Variants in SLC23A2 observed in about 807,000 individuals in gnomAD.
The protein encoded by SLC23A2 is solute carrier family 23 member 2.
Under a neutral mutation model 73.3 loss-of-function variants are expected in SLC23A2, and 36 were observed. That is an observed-to-expected ratio of 0.49 (90% CI 0.38 to 0.65). The LOEUF (loss-of-function observed/expected upper bound fraction) is 0.65. SLC23A2 is among the 30% of genes least tolerant of loss of function. The pLI is 0.00. For missense variants in SLC23A2, 507 were observed against 841.6 expected, an observed-to-expected ratio of 0.60 and a Z score of 4.92; for synonymous variants, 343 against 327.3, an observed-to-expected ratio of 1.05 and a Z score of -0.52.
chr20:4,963,575 C>A (rs924461999), intron 2 of SLC23A2, among the ~76,000 whole-genome samples: 1 of 152,070 alleles, frequency 6.6e-6, no homozygotes, highest in Non-Finnish European at 1.5e-5. Flanking sequence ...TGACCAGGCA[C>A]GGTGGCTCAC....
intron 2 of SLC23A2, among the ~76,000 whole-genome samples, 169 bp from the exon 3 acceptor site, chr20:4,932,885 T>C (rs567227696): frequency 6.6e-6 from 1 of 152,260 alleles, no homozygotes; most frequent in South Asian, 2.1e-4. Flanking sequence ...CTTCTTTATT[T>C]ATAGTCACCT....
rs146780508 is a variant in SLC23A2, at chr20:4,892,943, G to A, written c.482+6612C>T. On this transcript the variant is annotated intron_variant, in intron 6 of 16. Coordinates refer to ENST00000338244, the MANE Select transcript of SLC23A2 (RefSeq NM_005116.6). ...GGGAAGTTAAATACGAACTGCATAT[G>A]AGATGATGAAACAGAATGATTGTTA... Among the ~76,000 whole-genome samples the A allele has an allele frequency of 1.6e-3, 249 of 152,228 alleles. 1 individual carries two copies. The highest frequency in any genetic ancestry group is 8.8e-5 in the Non-Finnish European group (6 of 68,012).
intron 4 of SLC23A2, among the ~76,000 whole-genome samples, chr20:4,907,528 G>C (rs1397929440): frequency 5.3e-5 from 8 of 152,084 alleles, no homozygotes; most frequent in Non-Finnish European, 1.0e-4. Context: ...TCAATTGTGG[G>C]AGACAAAGAA....
chr20:4,877,004 T>C (rs577049900), intron 9 of SLC23A2, among the ~76,000 whole-genome samples: 121 of 152,038 alleles, frequency 8.0e-4, no homozygotes, highest in Non-Finnish European at 1.3e-3. Flanking sequence ...TAGCATTCTG[T>C]TTTATGGACA....
chr20:4,987,954 C>G (rs531187690), intron 1 of SLC23A2, among the ~76,000 whole-genome samples: 1 of 151,288 alleles, frequency 6.6e-6, no homozygotes, highest in African/African-American at 2.4e-5. Context: ...AAAATAAAAC[C>G]TATGACAGTT....
intron 4 of SLC23A2, among the ~76,000 whole-genome samples, chr20:4,908,004 GAGTA>G (rs1932017783): frequency 2.6e-5 from 4 of 152,096 alleles, no homozygotes; most frequent in South Asian, 2.1e-4. Context: ...CTGCAAAACA[GAGTA>G]AGTGTCAGAG....
chr20:4,898,906 G>A (rs1179200957), intron 6 of SLC23A2, among the ~76,000 whole-genome samples: 1 of 152,232 alleles, frequency 6.6e-6, no homozygotes, highest in East Asian at 1.9e-4. Context: ...GGGAGGGCAG[G>A]ACAAGCTGGG....
At position 4,874,006 on chromosome 20, in the gene SLC23A2, G is replaced by T. The variant is rs1930556662; in HGVS notation, c.1032C>A (p.Gly344=). ...DVFPPDSTKY[G]FYARTDARQG... ...GCCTGGCATCTGTGCGAGCATAGAA[G>T]CCATACTTTGTGCTGTCGGGAGGGA... Residue 344 remains glycine (G), a synonymous_variant, in exon 11 of 17, where the codon GGC becomes GGA. Coordinates refer to ENST00000338244, the MANE Select transcript of SLC23A2 (RefSeq NM_005116.6). The T allele has an allele frequency of 6.2e-6, 10 of 1,614,202 alleles. No homozygotes were observed. The highest frequency in any genetic ancestry group is 8.5e-6 in the Non-Finnish European group (10 of 1,180,016).
At chr20:4,974,520 T>C (rs2087613820) in intron 1 of SLC23A2, among the ~76,000 whole-genome samples, 1 of 151,956 alleles carries the variant, frequency 6.6e-6, no homozygotes, top group South Asian at 2.1e-4. Context: ...AAAAACCAAA[T>C]ATCTTCAATG....
chr20:4,933,954 T>C (rs1348900624), intron 2 of SLC23A2, among the ~76,000 whole-genome samples: 3 of 152,080 alleles, frequency 2.0e-5, no homozygotes, highest in Non-Finnish European at 2.9e-5. Context: ...CAATAAACAC[T>C]TTGGATGAGC....
chr20:4,964,207 C>A (rs1432485327), intron 2 of SLC23A2, among the ~76,000 whole-genome samples: 1 of 151,948 alleles, frequency 6.6e-6, no homozygotes, highest in Admixed American at 6.6e-5. Flanking sequence ...GTTGCCCTGG[C>A]TGGTCTTGAA....
In SLC23A2 at chr20:4,921,357, C is replaced by G. The variant is rs114208932; in HGVS notation, c.109-8379G>C. ...CTGTAATCTCAGCACTTTGGGAGAC[C>G]AATCACTTGAGCTCAGAAATTCGAG... On this transcript the variant is annotated intron_variant, in intron 3 of 16. Transcript: ENST00000338244. Among the ~76,000 whole-genome samples the G allele has an allele frequency of 6.7e-3, 1,027 of 152,162 alleles. 8 individuals are homozygous for G. Among genetic ancestry groups the G allele is most frequent in the African/African-American group, 0.023 (975 of 41,534 alleles).
chr20:5,003,456 G>A (rs894755248), upstream of SLC23A2, among the ~76,000 whole-genome samples: 2 of 151,296 alleles, frequency 1.3e-5, no homozygotes, highest in African/African-American at 2.4e-5. Flanking sequence ...AAAAACTCAC[G>A]CATTGCCCCG....
intron 4 of SLC23A2, among the ~76,000 whole-genome samples, chr20:4,907,001 G>C (rs980998608): frequency 6.6e-6 from 1 of 152,158 alleles, no homozygotes; most frequent in Non-Finnish European, 1.5e-5. Context: ...AGTAGCAATG[G>C]GGAGAGGACA....
intron 4 of SLC23A2, among the ~76,000 whole-genome samples, chr20:4,906,714 A>C (rs1931969881): frequency 6.6e-6 from 1 of 152,238 alleles, no homozygotes; most frequent in Non-Finnish European, 1.5e-5. Flanking sequence ...TTTGAGTTCT[A>C]GTTAAGCATG....
intron 3 of SLC23A2, among the ~76,000 whole-genome samples, chr20:4,915,460 A>C (rs1932289039): frequency 6.6e-6 from 1 of 152,188 alleles, no homozygotes; most frequent in Admixed American, 6.5e-5. Context: ...TCCTAAAATG[A>C]GTAAGTACAA....
intron 4 of SLC23A2, among the ~76,000 whole-genome samples, chr20:4,911,278 G>C (rs1475522823): frequency 6.6e-6 from 1 of 152,176 alleles, no homozygotes; most frequent in Non-Finnish European, 1.5e-5. Context: ...ATCTCTGCCT[G>C]AATCTACTTT....
rs145122522 is a variant in SLC23A2 at position 4,979,190 on chromosome 20, G to A, written c.-281-8271C>T. ...TGCCTGTAATCCCGGCTACTCAGAA[G>A]GCTGAGGCAGGAGAATCGCTTGAAC... On this transcript the variant is annotated intron_variant, in intron 1 of 16. Transcript: ENST00000338244. Among the ~76,000 whole-genome samples the A allele has an allele frequency of 4.2e-3, 633 of 152,098 alleles. 4 individuals carry two copies. The highest frequency in any genetic ancestry group is 0.015 in the African/African-American group (609 of 41,490).
intron 1 of SLC23A2, among the ~76,000 whole-genome samples, chr20:4,985,138 A>C (rs914950565): frequency 1.1e-4 from 2 of 17,878 alleles, no homozygotes; most frequent in African/African-American, 2.6e-4. Context: ...TCCGTCTCCA[A>C]AAAAAAAAAA....
Sources: allele counts gnomAD v4.1 joint callset (sites outside exome capture counted in the v4.1 genomes callset), GRCh38; gene constraint gnomAD v4.1.1; transcripts MANE v1.5; gene names NCBI Gene and HGNC (gene_info 2026-07-23, HGNC 2026-07-21).